The following EGFLAM variants were observed in gnomAD, a reference collection of about 807,000 sequenced individuals.
The protein encoded by EGFLAM is EGF like, fibronectin type III and laminin G domains.
Under a neutral mutation model 113.1 loss-of-function variants are expected in EGFLAM, and 79 were observed. The ratio of observed to expected loss-of-function variants is 0.70; its 90% confidence interval spans 0.58 to 0.84. The LOEUF is 0.84. EGFLAM is among the 40% of genes least tolerant of loss of function. The pLI is 0.00. For synonymous variants in EGFLAM, 504 were observed against 487.6 expected (o/e 1.03, Z -0.44); for missense variants, 1,265 against 1,291.6 (o/e 0.98, Z 0.32).
chr5:38,358,425 C>T (rs1391683286), intron 5 of EGFLAM, among the ~76,000 whole-genome samples: 6 of 112,580 alleles, frequency 5.3e-5, no homozygotes, highest in South Asian at 3.0e-4. Context: ...CCAGCCTGGG[C>T]GACAGAGCAA....
intron 1 of EGFLAM, among the ~76,000 whole-genome samples, chr5:38,315,316 A>G (rs1738563174): frequency 1.3e-5 from 2 of 152,156 alleles, no homozygotes; most frequent in Non-Finnish European, 2.9e-5. Flanking sequence ...GTGCCAGAAA[A>G]TAGACAATTC....
chr5:38,458,058 G>A (rs567098178), intron 19 of EGFLAM, among the ~76,000 whole-genome samples: 1 of 152,256 alleles, frequency 6.6e-6, no homozygotes, highest in African/African-American at 2.4e-5. Flanking sequence ...CTGCGGCACT[G>A]TATGCTTAAA....
At chr5:38,451,526 A>T in intron 19 of EGFLAM, 68 bp downstream of exon 19, 1 of 1,564,320 alleles carries the variant, frequency 6.4e-7, no homozygotes, top group South Asian at 1.2e-5. Flanking sequence ...ATCATGCCAG[A>T]GTGATTCAGA....
intron 1 of EGFLAM, among the ~76,000 whole-genome samples, chr5:38,329,610 C>A (rs912295954): frequency 6.6e-6 from 1 of 152,130 alleles, no homozygotes; most frequent in East Asian, 1.9e-4. Context: ...TTCACTACCC[C>A]CATCCACCCA....
chr5:38,454,295 G>C (rs1012481601), intron 19 of EGFLAM, among the ~76,000 whole-genome samples: 1 of 152,104 alleles, frequency 6.6e-6, no homozygotes, highest in African/African-American at 2.4e-5. Flanking sequence ...GGGTGTTTCC[G>C]GGACCCATGC....
Position 38,258,718 on chromosome 5 carries a change from C to T in EGFLAM, c.-37C>T, listed in dbSNP as rs772399995. ...CGGAGACGCCCTTTCCGTGTGCGCC[C>T]GGGACTTGGTGAAACTTTGCAGGCG... On this transcript the variant is annotated 5_prime_UTR_variant, in exon 1 of 22. Transcript: ENST00000322350. 1 of 1,582,004 alleles carries T rather than the reference C, an allele frequency of 6.3e-7. No homozygotes were observed. Among genetic ancestry groups the T allele is most frequent in the South Asian group, 1.1e-5 (1 of 87,704 alleles).
rs577175458 is a variant in EGFLAM at position 38,352,445 on chromosome 5, G to A, written c.545+114G>A. On this transcript the variant is annotated intron_variant, in intron 5 of 21. Transcript: ENST00000322350. The stretch of plus-strand genomic sequence containing the variant: ...GGGCAGATCACAAGGTCAGGAGTTC[G>A]AGACCAGCCTGACCAACATGGTGAA... 5.5e-5 allele frequency: 76 copies of A among 1,375,770 alleles called. 1 individual carries two copies. In the South Asian group the frequency reaches 8.6e-4, roughly 16 times the overall value. The allele number at this position is 1,375,770 out of a possible 1,614,324, so 85.2% of individuals were successfully genotyped here.
chr5:38,378,468 G>A (rs1325451441), intron 6 of EGFLAM, among the ~76,000 whole-genome samples: 2 of 152,200 alleles, frequency 1.3e-5, no homozygotes, highest in Non-Finnish European at 2.9e-5. Flanking sequence ...CAATGCCCCT[G>A]AATAGGCTGC....
chr5:38,317,988 G>C (rs770134713), intron 1 of EGFLAM, among the ~76,000 whole-genome samples: 9 of 152,130 alleles, frequency 5.9e-5, no homozygotes, highest in Non-Finnish European at 1.3e-4. Flanking sequence ...AAGAAGGAAA[G>C]GTGTTCTCAC....
At chr5:38,437,625 T>C (rs1474010518) in intron 16 of EGFLAM, among the ~76,000 whole-genome samples, 1 of 152,208 alleles carries the variant, frequency 6.6e-6, no homozygotes, top group African/African-American at 2.4e-5. Context: ...TGGGCGGGTC[T>C]GGGCATTAGT....
chr5:38,345,087 GTT>G lies in EGFLAM; in HGVS notation c.292-5413_292-5412del, dbSNP rs201190284. Reference sequence around the variant, plus strand: ...AAACCAGGTGCTCATTTCAGAACTAGTTAGTGATGCTGTGTCTACGAGTCAGA... The same window carrying G: ...AAACCAGGTGCTCATTTCAGAACTAGAGTGATGCTGTGTCTACGAGTCAGA... On this transcript the variant is annotated intron_variant, in intron 3 of 21. Coordinates refer to ENST00000322350, the MANE Select transcript of EGFLAM (RefSeq NM_152403.4). 5.8e-3 allele frequency among the ~76,000 whole-genome samples: 889 copies of G among 152,330 alleles called. 4 individuals are homozygous for G. Among genetic ancestry groups the G allele is most frequent in the Non-Finnish European group, 0.01 (706 of 68,036 alleles).
At chr5:38,424,035 G>C (rs1267923994) in intron 12 of EGFLAM, among the ~76,000 whole-genome samples, 1 of 152,108 alleles carries the variant, frequency 6.6e-6, no homozygotes. Flanking sequence ...GAGCACAGCT[G>C]GACCCTTCAC....
intron 1 of EGFLAM, among the ~76,000 whole-genome samples, chr5:38,304,283 C>G (rs1373330948): frequency 6.6e-6 from 1 of 152,106 alleles, no homozygotes; most frequent in Non-Finnish European, 1.5e-5. Flanking sequence ...ATAAAGAAGA[C>G]TGATTGAAAG....
intron 5 of EGFLAM, among the ~76,000 whole-genome samples, chr5:38,354,601 G>A (rs1455180123): frequency 7.2e-5 from 11 of 152,006 alleles, no homozygotes; most frequent in African/African-American, 2.7e-4. Context: ...ATGGTGGCGG[G>A]TACCTGTAAT....
intron 6 of EGFLAM, chr5:38,404,028 C>A: frequency 6.5e-7 from 1 of 1,538,130 alleles, no homozygotes; most frequent in Non-Finnish European, 8.8e-7. Flanking sequence ...AGTGCCCGAA[C>A]CCCTGAGAAC....
At chr5:38,440,285 T>C (rs1742490983) in intron 17 of EGFLAM, among the ~76,000 whole-genome samples, 1 of 152,190 alleles carries the variant, frequency 6.6e-6, no homozygotes, top group East Asian at 1.9e-4. Context: ...GAAATCAAGA[T>C]ACTGCTTCTG....
At chr5:38,428,126 G>C (rs1561087169) in intron 14 of EGFLAM, among the ~76,000 whole-genome samples, 1 of 152,158 alleles carries the variant, frequency 6.6e-6, no homozygotes, top group Non-Finnish European at 1.5e-5. Context: ...AACTCACTAG[G>C]ATGTTTTGCT....
At chr5:38,409,258 T>C (rs1741395995) in intron 10 of EGFLAM, among the ~76,000 whole-genome samples, 154 bp downstream of exon 10, 2 of 152,242 alleles carry the variant, frequency 1.3e-5, no homozygotes, top group Non-Finnish European at 2.9e-5. Flanking sequence ...TACCAAATAC[T>C]GGTGTACTGG....
intron 6 of EGFLAM, among the ~76,000 whole-genome samples, chr5:38,379,132 G>A (rs1338596478): frequency 1.3e-5 from 2 of 152,206 alleles, no homozygotes; most frequent in Non-Finnish European, 2.9e-5. Flanking sequence ...AAGAATGGAG[G>A]AAGCCCTCTG....
Sources: allele counts gnomAD v4.1 joint callset (sites outside exome capture counted in the v4.1 genomes callset), GRCh38; gene constraint gnomAD v4.1.1; transcripts MANE v1.5; gene names NCBI Gene and HGNC (gene_info 2026-07-23, HGNC 2026-07-21).